Variants in SYT1 observed in about 807,000 individuals in gnomAD.
SYT1 encodes synaptotagmin 1, also known as synaptotagmin-1.
Under a neutral mutation model 44.8 loss-of-function variants are expected in SYT1, and 8 were observed. The ratio of observed to expected loss-of-function variants is 0.18; its 90% CI spans 0.10 to 0.32. The LOEUF is 0.32. Ranked by LOEUF, SYT1 falls within the 10% of genes least tolerant of loss-of-function variation. The pLI is 1.00. For missense variants in SYT1, 286 were observed against 509.3 expected (o/e 0.56, Z 4.22); for synonymous variants, 154 against 188.8 (o/e 0.82, Z 1.51).
At chr12:79,278,459 G>T (rs1878859895) in intron 4 of SYT1, among the ~76,000 whole-genome samples, 6 of 152,126 alleles carry the variant, frequency 3.9e-5, no homozygotes, top group Admixed American at 2.6e-4. Flanking sequence ...AAAAATTTTT[G>T]AAAGGAATTA....
At chr12:79,011,126 A>G (rs1483564818) in intron 2 of SYT1, among the ~76,000 whole-genome samples, 3 of 152,216 alleles carry the variant, frequency 2.0e-5, no homozygotes, top group East Asian at 3.9e-4. Context: ...CTTTACTCGA[A>G]ATAATATAAT....
intron 8 of SYT1, among the ~76,000 whole-genome samples, chr12:79,335,405 T>TA (rs1181286215): frequency 1.4e-5 from 2 of 147,234 alleles, no homozygotes; most frequent in African/African-American, 2.6e-5. Flanking sequence ...TTTTTTTTTT[T>TA]ACTCGCAATC....
At chr12:78,999,200 G>A (rs560454442) in intron 2 of SYT1, among the ~76,000 whole-genome samples, 1 of 152,120 alleles carries the variant, frequency 6.6e-6, no homozygotes, top group Non-Finnish European at 1.5e-5. Flanking sequence ...CATCATTCAA[G>A]GAGCAGTAGC....
intron 4 of SYT1, among the ~76,000 whole-genome samples, chr12:79,269,336 C>T (rs1230765656): frequency 6.6e-6 from 1 of 152,088 alleles, no homozygotes; most frequent in Admixed American, 6.6e-5. Flanking sequence ...TTCTGCTCCA[C>T]TGAATTTTGT....
At chr12:79,005,019 G>C (rs1213182869) in intron 2 of SYT1, among the ~76,000 whole-genome samples, 2 of 151,978 alleles carry the variant, frequency 1.3e-5, no homozygotes, top group Non-Finnish European at 2.9e-5. Context: ...AACCATAATA[G>C]ATAGCATCTT....
At chr12:79,416,882 A>G (rs1868773818) in intron 9 of SYT1, among the ~76,000 whole-genome samples, 1 of 152,196 alleles carries the variant, frequency 6.6e-6, no homozygotes, top group Non-Finnish European at 1.5e-5. Context: ...AGGAAACATA[A>G]AAGAATAGCT....
intron 4 of SYT1, among the ~76,000 whole-genome samples, chr12:79,240,686 A>C (rs1876451054): frequency 6.6e-6 from 1 of 152,238 alleles, no homozygotes; most frequent in Admixed American, 6.5e-5. Flanking sequence ...ATTAGGAAGA[A>C]GTAGAGTTTC....
chr12:79,172,062 C>T (rs1374832217), intron 3 of SYT1, among the ~76,000 whole-genome samples: 4 of 151,806 alleles, frequency 2.6e-5, no homozygotes, highest in Admixed American at 6.6e-5. Context: ...CAGAAAAATA[C>T]TGTAAAAACT....
At chr12:78,864,579 G>C (rs544801051), upstream of SYT1, 1 of 152,288 alleles carries the variant, frequency 6.6e-6, no homozygotes, top group Non-Finnish European at 1.5e-5. Flanking sequence ...GACACTAACA[G>C]AACTGGGATG....
At chr12:79,295,121 A>G (rs1879818363) in intron 6 of SYT1, among the ~76,000 whole-genome samples, 1 of 152,162 alleles carries the variant, frequency 6.6e-6, no homozygotes, top group Admixed American at 6.5e-5. Context: ...CTATGGTGTT[A>G]CTGCATTTAC....
intron 1 of SYT1, among the ~76,000 whole-genome samples, chr12:78,905,335 A>T (rs17045915): frequency 0.08 from 12,252 of 152,210 alleles, 585 homozygotes; most frequent in African/African-American, 0.13. Context: ...TTTGCCATTA[A>T]GATCAGCTTT....
intron 3 of SYT1, among the ~76,000 whole-genome samples, chr12:79,177,546 CT>C (rs1027367350): frequency 4.0e-5 from 1 of 25,136 alleles, no homozygotes; most frequent in African/African-American, 2.2e-4. Flanking sequence ...ATTTATAGTC[CT>C]TTGGGTATAT....
chr12:79,369,044 A>G (rs547281699), intron 9 of SYT1, among the ~76,000 whole-genome samples: 1 of 152,206 alleles, frequency 6.6e-6, no homozygotes, highest in Non-Finnish European at 1.5e-5. Flanking sequence ...ACTAATTGCT[A>G]AATTTGCCCA....
intron 4 of SYT1, among the ~76,000 whole-genome samples, chr12:79,238,971 T>C (rs889033858): frequency 5.9e-5 from 9 of 152,236 alleles, no homozygotes; most frequent in Non-Finnish European, 1.3e-4. Context: ...CTCATGCATA[T>C]AGCACTTGCC....
chr12:78,966,520 G>A (rs529449959), intron 1 of SYT1, among the ~76,000 whole-genome samples: 1 of 152,070 alleles, frequency 6.6e-6, no homozygotes, highest in Admixed American at 6.5e-5. Flanking sequence ...ATTTTGCCTA[G>A]CAAACTATAG....
chr12:79,368,378 A>G (rs1339098467), intron 9 of SYT1, among the ~76,000 whole-genome samples: 2 of 152,148 alleles, frequency 1.3e-5, no homozygotes, highest in African/African-American at 4.8e-5. Context: ...GTGTCTTTAC[A>G]GCAGCATGAT....
chr12:79,097,617 G>A (rs974942066), intron 3 of SYT1, among the ~76,000 whole-genome samples: 1 of 151,800 alleles, frequency 6.6e-6, no homozygotes, highest in Non-Finnish European at 1.5e-5. Flanking sequence ...AAACCAACAC[G>A]CTCACAAACT....
chr12:79,055,698 A>G (rs1039903658), intron 3 of SYT1, among the ~76,000 whole-genome samples: 3 of 152,078 alleles, frequency 2.0e-5, no homozygotes, highest in African/African-American at 7.2e-5. Context: ...TACGTTTCAT[A>G]TGAGAATAAT....
At chr12:79,128,665 A>T (rs886115747) in intron 3 of SYT1, among the ~76,000 whole-genome samples, 1 of 152,246 alleles carries the variant, frequency 6.6e-6, no homozygotes, top group Non-Finnish European at 1.5e-5. Flanking sequence ...TTCTTTATAG[A>T]ACATAAAAAC....
Sources: allele counts gnomAD v4.1 joint callset (sites outside exome capture counted in the v4.1 genomes callset), GRCh38; gene constraint gnomAD v4.1.1; transcripts MANE v1.5; gene names NCBI Gene and HGNC (gene_info 2026-07-23, HGNC 2026-07-21).